EPHA7: variants seen among roughly 807,000 people sequenced by gnomAD.
The protein encoded by EPHA7 is ephrin type-A receptor 7.
EPHA7 carries 25 observed loss-of-function variants against 112.6 expected under a neutral mutation model. The ratio of observed to expected loss-of-function variants is 0.22; its 90% CI spans 0.16 to 0.31. The LOEUF (loss-of-function observed/expected upper bound fraction) is 0.31, where lower values mean the gene tolerates loss of function less well. Ranked by LOEUF, EPHA7 falls within the 10% of genes least tolerant of loss-of-function variation. The pLI is 1.00. For synonymous variants in EPHA7, 437 were observed against 406.5 expected (o/e 1.07, Z -0.90); for missense variants, 962 against 1,212.6 (o/e 0.79, Z 3.07).
intron 5 of EPHA7, among the ~76,000 whole-genome samples, chr6:93,345,375 A>G (rs1182842491): frequency 1.3e-5 from 2 of 151,716 alleles, no homozygotes; most frequent in African/African-American, 4.8e-5. Context: ...AGCTATGCTA[A>G]TTGTTTTTCA....
intron 5 of EPHA7, among the ~76,000 whole-genome samples, chr6:93,303,523 A>T (rs1393415069): frequency 6.6e-6 from 1 of 152,146 alleles, no homozygotes; most frequent in Non-Finnish European, 1.5e-5. Context: ...ATGTTTGTTG[A>T]TGGCTGCATT....
intron 5 of EPHA7, among the ~76,000 whole-genome samples, chr6:93,332,341 C>T (rs1360189283): frequency 6.6e-6 from 1 of 151,620 alleles, no homozygotes; most frequent in African/African-American, 2.4e-5. Context: ...GTAACTATAA[C>T]TCTTTTCACC....
At chr6:93,251,403 C>G (rs1272149570) in intron 14 of EPHA7, among the ~76,000 whole-genome samples, 1 of 151,588 alleles carries the variant, frequency 6.6e-6, no homozygotes, top group Admixed American at 6.6e-5. Context: ...TTTTAACATC[C>G]TAATATCTAC....
chr6:93,363,219 C>G (rs775038504), intron 3 of EPHA7, among the ~76,000 whole-genome samples: 108 of 152,078 alleles, frequency 7.1e-4, no homozygotes, highest in Non-Finnish European at 9.7e-4. Context: ...GTGTTCAGAA[C>G]CAACATCCTG....
chr6:93,294,410 C>G (rs116386065), intron 5 of EPHA7, among the ~76,000 whole-genome samples: 1,846 of 152,130 alleles, frequency 0.012, 41 homozygotes, highest in African/African-American at 0.042. Context: ...TGTGATGTTT[C>G]AAAAAGCTGA....
chr6:93,244,681 T>TA (rs925935059), intron 16 of EPHA7, among the ~76,000 whole-genome samples: 21 of 148,248 alleles, frequency 1.4e-4, no homozygotes, highest in Admixed American at 1.4e-4. Flanking sequence ...TTTTTCAGGT[T>TA]AAAAAAAAAA....
At chr6:93,326,261 T>C (rs970765232) in intron 5 of EPHA7, among the ~76,000 whole-genome samples, 11 of 151,430 alleles carry the variant, frequency 7.3e-5, no homozygotes, top group African/African-American at 1.7e-4. Context: ...GCAAATTACC[T>C]GGCATACAGT....
chr6:93,394,468 A>G (rs1470411956), intron 3 of EPHA7, among the ~76,000 whole-genome samples: 5 of 151,758 alleles, frequency 3.3e-5, no homozygotes, highest in African/African-American at 4.8e-5. Flanking sequence ...GGAAAATAAG[A>G]AGAACTGACT....
intron 5 of EPHA7, among the ~76,000 whole-genome samples, chr6:93,317,381 A>C (rs1449954439): frequency 6.6e-6 from 1 of 152,198 alleles, no homozygotes; most frequent in Non-Finnish European, 1.5e-5. Context: ...GCTGAGAAAA[A>C]ACAGTTCTTC....
Position 93,264,450 on chromosome 6 carries a change from G to C in EPHA7, c.1742+144C>G. ...TATTCCATTTTGATCTTGAAGGAAT[G>C]ACACATTATTGACCTTTAATGTTTT... On this transcript the variant is annotated intron_variant, in intron 8 of 16. Transcript: ENST00000369303. 4 of 482,216 alleles carry C rather than the reference G, an allele frequency of 8.3e-6. No homozygotes were observed. The South Asian group carries it at 9.9e-5, about 12-fold the overall frequency. 29.9% of individuals were successfully genotyped at this position (482,216 alleles called of 1,614,324 possible).
chr6:93,388,428 G>A (rs565858588), intron 3 of EPHA7, among the ~76,000 whole-genome samples: 2 of 152,110 alleles, frequency 1.3e-5, no homozygotes, highest in Non-Finnish European at 2.9e-5. Flanking sequence ...ACATATAATC[G>A]GTGCTTCCTG....
At chr6:93,246,714 T>C in intron 15 of EPHA7, 78 bp downstream of exon 15, 2 of 1,218,570 alleles carry the variant, frequency 1.6e-6, no homozygotes, top group Non-Finnish European at 2.3e-6. Context: ...TTTGCCATTG[T>C]GGTGGGGTGG....
In EPHA7 at chr6:93,314,886, G is replaced by A. The variant is rs1341383221; in HGVS notation, c.1324+41831C>T. On this transcript the variant is annotated intron_variant, in intron 5 of 16. Coordinates refer to ENST00000369303, the MANE Select transcript of EPHA7 (RefSeq NM_004440.4). The stretch of plus-strand genomic sequence containing the variant: ...TTTTTTTTTTTTTTTTTTTTGAGAC[G>A]GAGTCTCGCTCTGTCGCCCAGGCTG... Among the ~76,000 whole-genome samples the A allele has an allele frequency of 1.6e-4, 20 of 125,790 alleles. No homozygotes were observed. The East Asian group carries it at 2.8e-3, about 18-fold the overall frequency. The allele number at this position is 125,790 out of a possible 152,430, so 82.5% of individuals were successfully genotyped here.
At chr6:93,343,675 T>C (rs1300038994) in intron 5 of EPHA7, among the ~76,000 whole-genome samples, 1 of 151,686 alleles carries the variant, frequency 6.6e-6, no homozygotes, top group Non-Finnish European at 1.5e-5. Context: ...GATTAGCTGA[T>C]GCTTGTCCAG....
chr6:93,382,879 A>C (rs1369056707), intron 3 of EPHA7, among the ~76,000 whole-genome samples: 1 of 152,292 alleles, frequency 6.6e-6, no homozygotes, highest in African/African-American at 2.4e-5. Flanking sequence ...CACAGCCACT[A>C]TCCAGAGCCA....
intron 5 of EPHA7, among the ~76,000 whole-genome samples, chr6:93,309,445 AT>A (rs1401061101): frequency 6.6e-6 from 1 of 151,426 alleles, no homozygotes; most frequent in Admixed American, 6.6e-5. Flanking sequence ...TTTGGGCACA[AT>A]TTTTTTTTCA....
In EPHA7 at chr6:93,272,416, G is replaced by A. The variant is rs773950345; in HGVS notation, c.1331C>T (p.Ser444Leu). 3.1e-6 allele frequency: 5 copies of A among 1,611,388 alleles called. No individual in the cohort carries two copies. Among genetic ancestry groups the A allele is most frequent in the African/African-American group, 2.7e-5 (2 of 74,702 alleles). Residue 444 changes from serine to leucine, a missense_variant, in exon 6 of 17, where the codon TCG (serine) becomes TTG (leucine). By Grantham distance (145) the Ser-to-Leu change is moderately radical (BLOSUM62 -2). Coordinates refer to ENST00000369303, the MANE Select transcript of EPHA7 (RefSeq NM_004440.4). ...CTCCTTCATTACTCCACTCACTTGC[G>A]AGGGAGCTGTTTGGACAAGATGTGT... is the stretch of plus-strand genomic sequence containing the variant. ...VSITTGQAAP[S>L]QVSGVMKERV...
intron 5 of EPHA7, among the ~76,000 whole-genome samples, chr6:93,352,135 G>A (rs1775725228): frequency 6.6e-6 from 1 of 152,082 alleles, no homozygotes; most frequent in South Asian, 2.1e-4. Context: ...TGTATTTGAT[G>A]GTGGTGACAC....
intron 7 of EPHA7, 148 bp downstream of exon 7, chr6:93,269,329 C>A: frequency 1.7e-6 from 1 of 583,592 alleles, no homozygotes; most frequent in Non-Finnish European, 2.7e-6. Context: ...TTATTATGAA[C>A]TTTTACAAAG....
Sources: allele counts gnomAD v4.1 joint callset (sites outside exome capture counted in the v4.1 genomes callset), GRCh38; gene constraint gnomAD v4.1.1; transcripts MANE v1.5; gene names NCBI Gene and HGNC (gene_info 2026-07-23, HGNC 2026-07-21).